TUSC3: variants seen among roughly 807,000 people sequenced by gnomAD.
TUSC3 encodes tumor suppressor candidate 3, also known as dolichyl-diphosphooligosaccharide--protein glycosyltransferase subunit TUSC3.
In TUSC3, 45 loss-of-function variants were observed where a neutral mutation model predicts 44.8. The ratio of observed to expected loss-of-function variants is 1.00; its 90% CI spans 0.79 to 1.29. The LOEUF (loss-of-function observed/expected upper bound fraction) is 1.29, where lower values mean the gene tolerates loss of function less well. Ranked by LOEUF, TUSC3 falls within the 50% of genes most tolerant of loss-of-function variation. The pLI is 0.00. For missense variants in TUSC3, 519 were observed against 437.9 expected, an observed-to-expected ratio of 1.19 and a Z score of -1.65; for synonymous variants, 212 against 152.9, an observed-to-expected ratio of 1.39 and a Z score of -2.85.
At chr8:15,842,717 T>C in the TUSC3 span, among the ~76,000 whole-genome samples, 1 of 152,242 alleles carries the variant, frequency 6.6e-6, no homozygotes, top group Non-Finnish European at 1.5e-5. Flanking sequence ...TGGTCTGTGA[T>C]GTAAACAAGT....
At chr8:15,785,717 A>G in the TUSC3 span, among the ~76,000 whole-genome samples, 1 of 152,138 alleles carries the variant, frequency 6.6e-6, no homozygotes, top group African/African-American at 2.4e-5. Context: ...AATGGGCCTC[A>G]CGTGGAGCTC....
intron 2 of TUSC3, among the ~76,000 whole-genome samples, chr8:15,520,805 G>A (rs545774792): frequency 6.6e-6 from 1 of 152,246 alleles, no homozygotes; most frequent in South Asian, 2.1e-4. Context: ...AGGTTTTTCT[G>A]TGTTCTAGTT....
At chr8:15,666,619 G>A (rs1174236555) in intron 5 of TUSC3, among the ~76,000 whole-genome samples, 1 of 151,182 alleles carries the variant, frequency 6.6e-6, no homozygotes, top group Non-Finnish European at 1.5e-5. Flanking sequence ...GGGTAGAAAA[G>A]GGTCTTTTTT....
chr8:15,676,331 C>T (rs1808187539), intron 6 of TUSC3, among the ~76,000 whole-genome samples: 1 of 151,986 alleles, frequency 6.6e-6, no homozygotes, highest in Non-Finnish European at 1.5e-5. Context: ...TATTTATTTT[C>T]TGATTGTTGA....
chr8:15,540,434 G>A lies in TUSC3; in HGVS notation c.4G>A (p.Gly2Arg). 1 of 1,590,412 alleles carries A rather than the reference G, an allele frequency of 6.3e-7. No homozygotes were observed. The highest frequency in any genetic ancestry group is 8.5e-7 in the Non-Finnish European group (1 of 1,169,736). ...GAGGAGACACTGCCCTGCCGCGATGGGGGCCCGGGGCGCTCCTTCACGCCG... is the reference window on the plus strand; with the variant it reads ...GAGGAGACACTGCCCTGCCGCGATGAGGGCCCGGGGCGCTCCTTCACGCCG... M[G>R]ARGAPSRRRQ... Residue 2 changes from glycine to arginine, a missense_variant, in exon 1 of 11, where the codon GGG (glycine) becomes AGG (arginine). By Grantham distance (125) the Gly-to-Arg change is moderately radical. Transcript: ENST00000503731.
intron 1 of TUSC3, among the ~76,000 whole-genome samples, chr8:15,600,657 G>C (rs1171133474): frequency 6.6e-6 from 1 of 151,562 alleles, no homozygotes; most frequent in Admixed American, 6.6e-5. Context: ...ACTCAGTAAT[G>C]GTTATAAGAT....
the TUSC3 span, among the ~76,000 whole-genome samples, chr8:15,835,683 T>C: frequency 6.6e-6 from 1 of 152,182 alleles, no homozygotes; most frequent in African/African-American, 2.4e-5. Context: ...ATTTTTGGAA[T>C]GCTCTGTGCA....
Position 15,728,961 on chromosome 8 carries a change from G to A in TUSC3, c.799-1705G>A, listed in dbSNP as rs191203827. Among the ~76,000 whole-genome samples, 104 of 152,190 alleles carry A rather than the reference G, an allele frequency of 6.8e-4. No homozygotes were observed. The East Asian group carries it at 0.013, about 18-fold the overall frequency. ...AAGCAGATTTTTCAGGTAGATTAAG[G>A]CCAGGAACATTGAGATATGACCATA... On this transcript the variant is annotated intron_variant, in intron 6 of 10. Coordinates refer to ENST00000503731, the MANE Select transcript of TUSC3 (RefSeq NM_006765.4).
At chr8:15,800,831 AT>A in the TUSC3 span, among the ~76,000 whole-genome samples, 1 of 152,230 alleles carries the variant, frequency 6.6e-6, no homozygotes, top group East Asian at 1.9e-4. Context: ...CACAGTTTTC[AT>A]TGTCTTCTAT....
chr8:15,681,440 A>T (rs1166123099), intron 6 of TUSC3, among the ~76,000 whole-genome samples: 1 of 151,122 alleles, frequency 6.6e-6, no homozygotes, highest in Non-Finnish European at 1.5e-5. Flanking sequence ...TTTACTCTAG[A>T]TTTTCTAGTT....
downstream of TUSC3, among the ~76,000 whole-genome samples, chr8:15,770,401 C>A (rs1285530754): frequency 6.6e-6 from 1 of 152,040 alleles, no homozygotes; most frequent in Non-Finnish European, 1.5e-5. Context: ...CACACCGAGG[C>A]CTGTCAGGGG....
intron 2 of TUSC3, among the ~76,000 whole-genome samples, chr8:15,633,450 AACCCC>A (rs1805912799): frequency 6.6e-6 from 1 of 152,194 alleles, no homozygotes; most frequent in Non-Finnish European, 1.5e-5. Context: ...CTGCATTCTT[AACCCC>A]CAGGTAGCCC....
At chr8:15,739,890 G>T (rs1811114370) in intron 7 of TUSC3, among the ~76,000 whole-genome samples, 2 of 149,818 alleles carry the variant, frequency 1.3e-5, no homozygotes, top group Middle Eastern at 3.4e-3. Context: ...TGAGCAAGTT[G>T]TTTAAACTTC....
At chr8:15,696,535 G>C (rs1443643370) in intron 6 of TUSC3, among the ~76,000 whole-genome samples, 1 of 152,156 alleles carries the variant, frequency 6.6e-6, no homozygotes, top group Non-Finnish European at 1.5e-5. Context: ...CCGCCTCGTA[G>C]AGATGTGAGA....
At chr8:15,554,679 T>G (rs1802176541) in intron 1 of TUSC3, among the ~76,000 whole-genome samples, 1 of 146,610 alleles carries the variant, frequency 6.8e-6, no homozygotes, top group Non-Finnish European at 1.5e-5. Flanking sequence ...TTCAGCTCAC[T>G]GCAAGCTCTG....
intron 1 of TUSC3, among the ~76,000 whole-genome samples, chr8:15,573,663 G>A (rs1430482144): frequency 3.3e-5 from 5 of 151,974 alleles, no homozygotes; most frequent in Non-Finnish European, 5.9e-5. Context: ...TTTTAAAGGG[G>A]CTGCTAGCAA....
chr8:15,523,650 ATATATATATATATATGTGTGTGTGTGTG>A lies in TUSC3; in HGVS notation n.189+40169_189+40196del, dbSNP rs1488666482. ...AAATCCTTTAAAAACATATATATATATATATATATATATATGTGTGTGTGTGTGTGTGTGTGTGTGTGTGTGTGTGTGT... is the reference window on the plus strand; with the variant it reads ...AAATCCTTTAAAAACATATATATATATGTGTGTGTGTGTGTGTGTGTGTGT... On this transcript the variant is annotated intron_variant and non_coding_transcript_variant, in intron 2 of 5. Transcript: ENST00000503191. Among the ~76,000 whole-genome samples the A allele has an allele frequency of 1.0e-3, 44 of 44,104 alleles. 1 individual carries two copies. Among genetic ancestry groups the A allele is most frequent in the East Asian group, 5.4e-3 (14 of 2,608 alleles). 28.9% of individuals were successfully genotyped at this position (44,104 alleles called of 152,430 possible).
intron 1 of TUSC3, among the ~76,000 whole-genome samples, chr8:15,429,158 G>A (rs1341444905): frequency 1.3e-5 from 2 of 152,128 alleles, no homozygotes; most frequent in East Asian, 3.9e-4. Context: ...AAGGTGTAAG[G>A]AAGGGATCCA....
chr8:15,771,641 A>G (rs764373484), downstream of TUSC3, among the ~76,000 whole-genome samples: 48 of 152,306 alleles, frequency 3.2e-4, no homozygotes, highest in South Asian at 6.2e-4. Context: ...AATAAATAAT[A>G]TAAAACAACC....
Sources: gnomAD v4.1 joint callset for allele counts (sites outside exome capture counted in the v4.1 genomes callset) on GRCh38, gnomAD v4.1.1 for gene constraint, MANE v1.5 for transcripts, NCBI Gene and HGNC (gene_info 2026-07-23, HGNC 2026-07-21) for gene names.